Variants in RGS6 observed in about 807,000 individuals in gnomAD.
RGS6 encodes the protein regulator of G protein signaling 6.
RGS6 carries 30 observed loss-of-function variants against 78.5 expected under a neutral mutation model. The ratio of observed to expected loss-of-function variants is 0.38; its 90% CI spans 0.29 to 0.52. RGS6 has a LOEUF of 0.52. Among genes scored for constraint, RGS6 ranks in the 20% least tolerant of loss-of-function variants. The pLI, the probability that RGS6 is intolerant of heterozygous loss-of-function variation, is 0.85. For missense variants in RGS6, 495 were observed against 609.7 expected (o/e 0.81, Z 1.98); for synonymous variants, 206 against 206.0 (o/e 1.00, Z 0.00).
At chr14:72,339,289 G>A (rs1055461691) in intron 2 of RGS6, among the ~76,000 whole-genome samples, 1 of 152,164 alleles carries the variant, frequency 6.6e-6, no homozygotes, top group Non-Finnish European at 1.5e-5. Flanking sequence ...CACATGGAAA[G>A]TGCCGTTTAA....
intron 3 of RGS6, among the ~76,000 whole-genome samples, chr14:72,383,832 A>G (rs935670264): frequency 6.6e-6 from 1 of 152,196 alleles, no homozygotes; most frequent in African/African-American, 2.4e-5. Flanking sequence ...TTTAAACGTA[A>G]TAATAAAACT....
the RGS6 span, chr14:72,594,891 A>G: frequency 6.6e-6 from 1 of 152,190 alleles, no homozygotes; most frequent in Non-Finnish European, 1.5e-5. Context: ...CCTTGGACTC[A>G]GTCTCTGCCC....
rs114602814 is a variant in RGS6 at position 72,183,589 on chromosome 14, A to G, written c.85-168506A>G. 3.0e-3 allele frequency among the ~76,000 whole-genome samples: 464 copies of G among 152,322 alleles called. 2 individuals carry two copies. The highest frequency in any genetic ancestry group is 0.011 in the African/African-American group (453 of 41,572). ...TCCAATTGGTACATAAATAGTACATACATTTACATTACAGCAGGGGGACAT... is the reference window on the plus strand; with the variant it reads ...TCCAATTGGTACATAAATAGTACATGCATTTACATTACAGCAGGGGGACAT... On this transcript the variant is annotated intron_variant, in intron 2 of 17. Transcript: ENST00000553525.
chr14:72,353,532 A>C (rs2079553156), intron 3 of RGS6, among the ~76,000 whole-genome samples: 1 of 152,216 alleles, frequency 6.6e-6, no homozygotes, highest in South Asian at 2.1e-4. Flanking sequence ...GTAGTGATAA[A>C]GATTAGATCA....
At chr14:72,229,269 C>T (rs959111326) in intron 2 of RGS6, among the ~76,000 whole-genome samples, 1 of 152,018 alleles carries the variant, frequency 6.6e-6, no homozygotes, top group African/African-American at 2.4e-5. Flanking sequence ...CACCCCTCCC[C>T]TCACCCCTTG....
intron 2 of RGS6, among the ~76,000 whole-genome samples, chr14:72,007,497 C>T (rs2084798293): frequency 6.6e-6 from 1 of 152,178 alleles, no homozygotes; most frequent in African/African-American, 2.4e-5. Flanking sequence ...TGCGTGCAAC[C>T]CAGGATGGCT....
intron 2 of RGS6, among the ~76,000 whole-genome samples, chr14:72,346,423 T>C (rs1366696594): frequency 2.0e-5 from 3 of 152,214 alleles, no homozygotes; most frequent in Non-Finnish European, 2.9e-5. Context: ...TGGCTTCTGA[T>C]GCTATCTGCC....
intron 3 of RGS6, among the ~76,000 whole-genome samples, chr14:72,363,770 C>A (rs889310464): frequency 6.6e-6 from 1 of 152,066 alleles, no homozygotes; most frequent in Admixed American, 6.6e-5. Flanking sequence ...TTACAGTGAT[C>A]TACCATGGGA....
the RGS6 span, among the ~76,000 whole-genome samples, chr14:71,873,147 G>A: frequency 1.3e-5 from 2 of 152,248 alleles, no homozygotes; most frequent in Admixed American, 6.5e-5. Flanking sequence ...AATCCTTTGG[G>A]TATATATCCA....
chr14:71,958,987 A>G (rs935362184), intron 1 of RGS6, among the ~76,000 whole-genome samples: 1 of 152,186 alleles, frequency 6.6e-6, no homozygotes, highest in Non-Finnish European at 1.5e-5. Flanking sequence ...TGATTAAGTG[A>G]TTATATCCCA....
At chr14:72,016,566 C>T (rs189906284) in intron 2 of RGS6, among the ~76,000 whole-genome samples, 236 of 152,212 alleles carry the variant, frequency 1.6e-3, no homozygotes, top group Middle Eastern at 6.8e-3. Flanking sequence ...GGGGTTTCAC[C>T]GTGTTAGCCA....
Position 71,984,484 on chromosome 14 carries a change from G to GAAAAAAAAAAAAA in RGS6, c.84+19620_84+19621insAAAAAAAAAAAAA, listed in dbSNP as rs370779936. ...ATATAGTGAGACCCTGTCTCAAAAA[G>GAAAAAAAAAAAAA]AAAAAAAAAAAGTTGGTGTGGACAA... On this transcript the variant is annotated intron_variant, in intron 2 of 17. Transcript: ENST00000553525. 1.4e-4 allele frequency among the ~76,000 whole-genome samples: 17 copies of GAAAAAAAAAAAAA among 117,430 alleles called. 2 individuals are homozygous for GAAAAAAAAAAAAA. The highest frequency in any genetic ancestry group is 2.0e-4 in the Admixed American group (2 of 10,042). 77.0% of individuals were successfully genotyped at this position (117,430 alleles called of 152,430 possible).
At chr14:72,437,340 C>CAA (rs57302818) in intron 3 of RGS6, among the ~76,000 whole-genome samples, 47 of 80,952 alleles carry the variant, frequency 5.8e-4, no homozygotes, top group Non-Finnish European at 8.4e-4. Context: ...GACTCCATCT[C>CAA]AAAAAAAAAA....
At chr14:72,109,848 A>G (rs2095714287) in intron 2 of RGS6, among the ~76,000 whole-genome samples, 1 of 152,198 alleles carries the variant, frequency 6.6e-6, no homozygotes, top group South Asian at 2.1e-4. Flanking sequence ...AGATGTGGCA[A>G]AGTGAAGTGA....
intron 2 of RGS6, among the ~76,000 whole-genome samples, chr14:72,249,979 C>T (rs949012140): frequency 2.7e-5 from 4 of 150,730 alleles, no homozygotes; most frequent in African/African-American, 9.8e-5. Flanking sequence ...TCTCAGTAAG[C>T]TGTCGCAAGA....
chr14:72,421,958 A>G (rs2094204597), intron 3 of RGS6, among the ~76,000 whole-genome samples: 1 of 152,068 alleles, frequency 6.6e-6, no homozygotes, highest in Non-Finnish European at 1.5e-5. Context: ...CTGTGTTCAC[A>G]CTCAAATCCA....
At chr14:72,071,855 A>G (rs568358350) in intron 2 of RGS6, among the ~76,000 whole-genome samples, 2 of 152,330 alleles carry the variant, frequency 1.3e-5, no homozygotes, top group East Asian at 1.9e-4. Flanking sequence ...GATGTCTTGT[A>G]TTATCTTTCA....
intron 2 of RGS6, among the ~76,000 whole-genome samples, chr14:72,289,533 C>T (rs930505156): frequency 6.6e-6 from 1 of 152,162 alleles, no homozygotes; most frequent in African/African-American, 2.4e-5. Flanking sequence ...GCAAAAGTTC[C>T]TCAGGACATT....
At chr14:71,875,278 CTT>C in the RGS6 span, among the ~76,000 whole-genome samples, 1 of 152,056 alleles carries the variant, frequency 6.6e-6, no homozygotes, top group Non-Finnish European at 1.5e-5. Context: ...TGGTCCTGGA[CTT>C]TTTTTGGTTG....
Sources: gnomAD v4.1 joint callset for allele counts (sites outside exome capture counted in the v4.1 genomes callset) on GRCh38, gnomAD v4.1.1 for gene constraint, MANE v1.5 for transcripts, NCBI Gene and HGNC (gene_info 2026-07-23, HGNC 2026-07-21) for gene names.